SAMHD1: variants seen among roughly 807,000 people sequenced by gnomAD.
The protein encoded by SAMHD1 is deoxynucleoside triphosphate triphosphohydrolase SAMHD1.
Under a neutral mutation model 79.6 loss-of-function variants are expected in SAMHD1, and 54 were observed. The observed-to-expected ratio is 0.68, with a 90% CI of 0.55 to 0.85. SAMHD1 has a LOEUF of 0.85. SAMHD1 is among the 40% of genes least tolerant of loss of function. The pLI, the probability that SAMHD1 is intolerant of heterozygous loss-of-function variation, is 0.00. For missense variants in SAMHD1, 663 were observed against 782.7 expected, an observed-to-expected ratio of 0.85 and a Z score of 1.82; for synonymous variants, 260 against 264.1, an observed-to-expected ratio of 0.98 and a Z score of 0.15.
intron 1 of SAMHD1, among the ~76,000 whole-genome samples, chr20:36,951,067 G>C (rs1230770318): frequency 6.6e-6 from 1 of 152,228 alleles, no homozygotes; most frequent in African/African-American, 2.4e-5. Flanking sequence ...GCAAGTTAGT[G>C]AAGAAACCCA....
In SAMHD1 at chr20:36,900,874, T is replaced by C. The variant is rs111491110; in HGVS notation, c.1504-2330A>G. 8.0e-3 allele frequency among the ~76,000 whole-genome samples: 1,213 copies of C among 152,210 alleles called. 14 individuals are homozygous for C. The highest frequency in any genetic ancestry group is 0.027 in the African/African-American group (1,105 of 41,518). On this transcript the variant is annotated intron_variant, in intron 13 of 15. Transcript: ENST00000646673. The stretch of plus-strand genomic sequence containing the variant: ...GGCATGAGCCACCGTGCCCGGCCTA[T>C]TACATAGTTTTAAATAGCTTGAAGG...
At position 36,897,880 on chromosome 20, in the gene SAMHD1, T is replaced by C. The variant is rs6130037; in HGVS notation, c.1688A>G (p.Tyr563Cys). The C allele has an allele frequency of 6.8e-6, 11 of 1,614,140 alleles. No individual in the cohort carries two copies. The East Asian group carries it at 2.2e-4, about 33-fold the overall frequency. ...CTGAACAAAATATTGTCTTGCGGCA[T>C]ACAAACTCTTTCTGTCCACCTTCTT... is the stretch of plus-strand genomic sequence containing the variant. ...YCKKVDRKSLYAARQYFVQWC... is the reference protein window; with the variant it reads ...YCKKVDRKSLCAARQYFVQWC... Residue 563 changes from tyrosine to cysteine, a missense_variant, in exon 15 of 16, where the codon TAT (tyrosine) becomes TGT (cysteine). Coordinates refer to ENST00000646673, the MANE Select transcript of SAMHD1 (RefSeq NM_015474.4).
intron 3 of SAMHD1, chr20:36,940,378 C>T (rs2063635178): frequency 1.3e-5 from 2 of 152,338 alleles, no homozygotes; most frequent in Non-Finnish European, 2.9e-5. Context: ...CTTATTACTT[C>T]TAGGGAGAAA....
At chr20:36,928,109 A>G (rs1018906388) in intron 5 of SAMHD1, among the ~76,000 whole-genome samples, 3 of 152,284 alleles carry the variant, frequency 2.0e-5, no homozygotes, top group African/African-American at 7.2e-5. Flanking sequence ...CACTAGGGCC[A>G]GGTGTGGTGG....
intron 11 of SAMHD1, among the ~76,000 whole-genome samples, chr20:36,905,813 A>G (rs769795217): frequency 2.0e-5 from 3 of 152,028 alleles, no homozygotes; most frequent in Non-Finnish European, 2.9e-5. Context: ...TCTACTAACA[A>G]TACAAAAAAA....
At chr20:36,912,069 C>A (rs975194391) in intron 10 of SAMHD1, 4 of 243,580 alleles carry the variant, frequency 1.6e-5, no homozygotes, top group Non-Finnish European at 2.5e-5. Flanking sequence ...TAATCTTAAT[C>A]CTTAAAGTTA....
chr20:36,908,052 T>G (rs903176288), intron 11 of SAMHD1, among the ~76,000 whole-genome samples: 9 of 150,652 alleles, frequency 6.0e-5, no homozygotes, highest in African/African-American at 2.2e-4. Context: ...TACTTTGTAT[T>G]TTTAGTAGAG....
At chr20:36,928,558 G>A (rs552000681) in intron 5 of SAMHD1, among the ~76,000 whole-genome samples, 2 of 151,814 alleles carry the variant, frequency 1.3e-5, no homozygotes, top group East Asian at 1.9e-4. Flanking sequence ...GGTGGCAGGC[G>A]CCTGTAATAC....
At chr20:36,934,066 G>C (rs1443503039) in intron 4 of SAMHD1, among the ~76,000 whole-genome samples, 1 of 151,666 alleles carries the variant, frequency 6.6e-6, no homozygotes, top group Non-Finnish European at 1.5e-5. Context: ...AAAGTGCTGG[G>C]ATTACAGGTG....
intron 5 of SAMHD1, among the ~76,000 whole-genome samples, chr20:36,930,494 CA>C (rs1222500305): frequency 3.6e-5 from 5 of 140,494 alleles, no homozygotes; most frequent in Non-Finnish European, 4.6e-5. Context: ...AACTCTGTCT[CA>C]AAAAAAAAAC....
At chr20:36,916,033 T>A (rs1471231298) in intron 9 of SAMHD1, among the ~76,000 whole-genome samples, 2 of 151,530 alleles carry the variant, frequency 1.3e-5, no homozygotes, top group Admixed American at 6.6e-5. Flanking sequence ...TAGTGGCGAG[T>A]GCCTGTAGTC....
chr20:36,900,699 T>C (rs1601115306), intron 13 of SAMHD1, among the ~76,000 whole-genome samples: 1 of 151,776 alleles, frequency 6.6e-6, no homozygotes. Context: ...CCCAAGTAGC[T>C]AGGATGACAG....
At chr20:36,939,075 CAAAAAAAAAAAAAAAAAAAA>C (rs1178988134) in intron 3 of SAMHD1, among the ~76,000 whole-genome samples, 1 of 22,528 alleles carries the variant, frequency 4.4e-5, no homozygotes, top group Non-Finnish European at 7.0e-5. Context: ...CTAAAAATAC[CAAAAAAAAAAAAAAAAAAAA>C]AAAAAAAAAT....
chr20:36,896,550 T>G (rs1421543437), intron 15 of SAMHD1, among the ~76,000 whole-genome samples: 2 of 152,000 alleles, frequency 1.3e-5, no homozygotes, highest in Non-Finnish European at 2.9e-5. Flanking sequence ...CAGTAAGAAC[T>G]TTCTGGCTGG....
At chr20:36,916,547 TTTTA>T in intron 9 of SAMHD1, 171 bp downstream of exon 9, 1 of 604,090 alleles carries the variant, frequency 1.7e-6, no homozygotes, top group Non-Finnish European at 2.9e-6. Context: ...TCCATGTTAA[TTTTA>T]TTATTATTTA....
intron 6 of SAMHD1, among the ~76,000 whole-genome samples, chr20:36,921,749 C>T (rs954402610): frequency 3.7e-4 from 56 of 149,908 alleles, no homozygotes; most frequent in Middle Eastern, 3.4e-3. Context: ...AGTGAAATGG[C>T]GTGATCTTGG....
Position 36,892,945 on chromosome 20 carries a change from T to C in SAMHD1, c.1868A>G (p.Asp623Gly), listed in dbSNP as rs1601108339. The C allele has an allele frequency of 6.2e-7, 1 of 1,614,090 alleles. No homozygotes were observed. Among genetic ancestry groups the C allele is most frequent in the Non-Finnish European group, 8.5e-7 (1 of 1,180,022 alleles). The change falls in exon 16 of 16, where the codon GAT becomes GGT. Residue 623 changes from aspartate to glycine, a missense_variant. By Grantham distance (94) the Asp-to-Gly change is moderately conservative. Transcript: ENST00000646673. ...ASKSRVQLFK[D>G]DPM ...GACTACAGACATTCACATTGGGTCA[T>C]CTTTAAAAAGCTGGACTCTGCTTTT...
chr20:36,921,795 T>C (rs912834038), intron 6 of SAMHD1, among the ~76,000 whole-genome samples: 3 of 151,832 alleles, frequency 2.0e-5, no homozygotes, highest in Non-Finnish European at 4.4e-5. Context: ...TTCAGGTGAT[T>C]CTCCTGCCTC....
chr20:36,931,017 G>A, intron 4 of SAMHD1, 142 bp from the exon 5 acceptor site: 1 of 687,670 alleles, frequency 1.5e-6, no homozygotes, highest in Non-Finnish European at 2.7e-6. Context: ...TTCAGAACTA[G>A]GCAGGAACAC....
Sources: gnomAD v4.1 joint callset for allele counts (sites outside exome capture counted in the v4.1 genomes callset) on GRCh38, gnomAD v4.1.1 for gene constraint, MANE v1.5 for transcripts, NCBI Gene and HGNC (gene_info 2026-07-23, HGNC 2026-07-21) for gene names.